VPS33B: variants seen among roughly 807,000 people sequenced by gnomAD.
VPS33B encodes vacuolar protein sorting-associated protein 33B.
VPS33B carries 80 observed loss-of-function variants against 95.3 expected under a neutral mutation model. That is an observed-to-expected ratio of 0.84 (90% CI 0.70 to 1.01). The LOEUF (loss-of-function observed/expected upper bound fraction) is 1.01, where lower values mean the gene tolerates loss of function less well. VPS33B is among the 50% of genes least tolerant of loss of function. The pLI is 0.00. For synonymous variants in VPS33B, 280 were observed against 280.4 expected (o/e 1.00, Z 0.01); for missense variants, 715 against 773.4 (o/e 0.92, Z 0.90).
rs563645276 is a variant in VPS33B, at chr15:91,002,904, G to C, written c.1272+181C>G. Among the ~76,000 whole-genome samples, 1 of 152,294 alleles carries C rather than the reference G, an allele frequency of 6.6e-6. No individual in the cohort carries two copies. The highest frequency in any genetic ancestry group is 6.5e-5 in the Admixed American group (1 of 15,296). ...GCCGTCAGTGTGTGGGGTGAAACAA[G>C]GGTAGAGGGCAGAGAGGCGTGCTGA... On this transcript the variant is annotated intron_variant, in intron 17 of 22. Coordinates refer to ENST00000333371, the MANE Select transcript of VPS33B (RefSeq NM_018668.5). The surrounding 1 kb of genome is among the most constrained non-coding windows in gnomAD (Gnocchi z 4.7).
rs367759142 is a variant in VPS33B, at chr15:91,016,944, G to A, written c.239+19C>T. 8 of 1,613,492 alleles carry A rather than the reference G, an allele frequency of 5.0e-6. No homozygotes were observed. Among genetic ancestry groups the A allele is most frequent in the Non-Finnish European group, 6.8e-6 (8 of 1,179,610 alleles). ...CCTCTTCCAGCTTGGAGTAGGGACAGACTCTCCCAGACACTCACTGTTCAT... is the reference window on the plus strand; with the variant it reads ...CCTCTTCCAGCTTGGAGTAGGGACAAACTCTCCCAGACACTCACTGTTCAT... On this transcript the variant is annotated intron_variant, in intron 3 of 22. Coordinates refer to ENST00000333371, the MANE Select transcript of VPS33B (RefSeq NM_018668.5).
intron 3 of VPS33B, among the ~76,000 whole-genome samples, chr15:91,016,225 G>A (rs1374582693): frequency 6.6e-6 from 1 of 152,162 alleles, no homozygotes; most frequent in East Asian, 1.9e-4. Context: ...TGAGAGGCAG[G>A]TGGAAGCACA....
intron 1 of VPS33B, among the ~76,000 whole-genome samples, chr15:91,019,277 CTGGCTAATTTTTGTATTTTTAGTAG>C (rs2041037890): frequency 6.6e-6 from 1 of 151,924 alleles, no homozygotes; most frequent in African/African-American, 2.4e-5. Flanking sequence ...GCCACCACAC[CTGGCTAATTTTTGTATTTTTAGTAG>C]ACATGGAATT....
rs748319254 is a variant in VPS33B at position 91,013,008 on chromosome 15, C to A, written c.357+796G>T. Among the ~76,000 whole-genome samples, 3 of 152,070 alleles carry A rather than the reference C, an allele frequency of 2.0e-5. No homozygotes were observed. The highest frequency in any genetic ancestry group is 2.9e-5 in the Non-Finnish European group (2 of 68,018). On this transcript the variant is annotated intron_variant, in intron 5 of 22. Transcript: ENST00000333371. The surrounding 1 kb of genome is among the most constrained non-coding windows in gnomAD (Gnocchi z 4.5). ...TCTAGTAACCCAGGGGCAGCCCAGCCACATCCTTATAAGCATAGCGGATGG... is the reference window on the plus strand; with the variant it reads ...TCTAGTAACCCAGGGGCAGCCCAGCAACATCCTTATAAGCATAGCGGATGG...
In VPS33B at chr15:91,000,400, TAAAA is replaced by T; in HGVS notation, c.1581+86_1581+89del. 1 of 1,029,584 alleles carries T rather than the reference TAAAA, an allele frequency of 9.7e-7. No homozygotes were observed. Among genetic ancestry groups the T allele is most frequent in the African/African-American group, 1.8e-5 (1 of 54,760 alleles). The allele number at this position is 1,029,584 out of a possible 1,614,324, so 63.8% of individuals were successfully genotyped here. A position where few individuals can be genotyped will look rare whatever the true frequency, so the allele number is the denominator to read the frequency against. On this transcript the variant is annotated intron_variant, in intron 20 of 22. Transcript: ENST00000333371. The surrounding 1 kb of genome is among the most constrained non-coding windows in gnomAD (Gnocchi z 4.9). ...TGACAGAGCAAGACTCCATCTCAAA[TAAAA>T]AAAAAAAAACATTGAGACACGCCAG...
intron 2 of VPS33B, 146 bp downstream of exon 2, chr15:91,017,659 C>A (rs754234472): frequency 1.3e-6 from 1 of 763,600 alleles, no homozygotes; most frequent in East Asian, 2.7e-5. Flanking sequence ...CAAAAAAATA[C>A]GAACAGCATC....
rs1403402953 is a variant in VPS33B at position 90,999,059 on chromosome 15, G to A, written c.1775-5C>T. The stretch of plus-strand genomic sequence containing the variant: ...TCAGGAAAATGAACCTGTAGCCTAA[G>A]GAGTCAAATGCAGCAGCAGAAGAGA... On this transcript the variant is annotated splice_region_variant and splice_polypyrimidine_tract_variant and intron_variant, in intron 22 of 22. Transcript: ENST00000333371. This position sits in a 1 kb window ranked among gnomAD's most constrained non-coding sequence, Gnocchi z 5.1. 2.5e-6 allele frequency: 4 copies of A among 1,613,904 alleles called. No homozygotes were observed. The highest frequency in any genetic ancestry group is 2.2e-5 in the East Asian group (1 of 44,888).
chr15:91,000,688 A>G lies in VPS33B; in HGVS notation c.1480-97T>C. 1 of 1,060,164 alleles carries G rather than the reference A, an allele frequency of 9.4e-7. No individual in the cohort carries two copies. The allele number at this position is 1,060,164 out of a possible 1,614,324, so 65.7% of individuals were successfully genotyped here. ...TGGCATGGCCCAAGGAACAATTCTT[A>G]TTTCAACTAAAGGGAGAACCAGCAA... On this transcript the variant is annotated intron_variant, in intron 19 of 22. Transcript: ENST00000333371. The surrounding 1 kb of genome is among the most constrained non-coding windows in gnomAD (Gnocchi z 4.9).
At position 91,002,024 on chromosome 15, in the gene VPS33B, A is replaced by C. The variant is rs766869841; in HGVS notation, c.1405+26T>G. 4.1e-5 allele frequency: 66 copies of C among 1,613,250 alleles called. No individual in the cohort carries two copies. In the East Asian group the frequency reaches 1.4e-3, roughly 33 times the overall value. ...GAGAAGTCAGGACAACAGCTGGAGCAGGGGTCACTTGTGCTCCCTGCTTAC... is the reference window on the plus strand; with the variant it reads ...GAGAAGTCAGGACAACAGCTGGAGCCGGGGTCACTTGTGCTCCCTGCTTAC... On this transcript the variant is annotated intron_variant, in intron 18 of 22. Coordinates refer to ENST00000333371, the MANE Select transcript of VPS33B (RefSeq NM_018668.5). This position sits in a 1 kb window ranked among gnomAD's most constrained non-coding sequence, Gnocchi z 4.7.
chr15:91,012,057 A>C (rs12148592), intron 5 of VPS33B, among the ~76,000 whole-genome samples: 2 of 151,106 alleles, frequency 1.3e-5, no homozygotes, highest in African/African-American at 4.9e-5. Flanking sequence ...CCTTGGAAGC[A>C]TAATTTGAAA....
Position 91,007,792 on chromosome 15 carries a change from T to C in VPS33B, c.498+78A>G, listed in dbSNP as rs2040658566. 1 of 1,369,980 alleles carries C rather than the reference T, an allele frequency of 7.3e-7. No individual in the cohort carries two copies. Among genetic ancestry groups the C allele is most frequent in the Non-Finnish European group, 1.0e-6 (1 of 959,140 alleles). The allele number at this position is 1,369,980 out of a possible 1,614,324, so 84.9% of individuals were successfully genotyped here. ...AATTACTTGCGTTGGACAAAGGTTA[T>C]ATTGGTATTTCTAGCCCTCTGCATC... On this transcript the variant is annotated intron_variant, in intron 7 of 22. Coordinates refer to ENST00000333371, the MANE Select transcript of VPS33B (RefSeq NM_018668.5). This position sits in a 1 kb window ranked among gnomAD's most constrained non-coding sequence, Gnocchi z 5.3.
Position 91,002,225 on chromosome 15 carries a change from GC to G in VPS33B, c.1273-44del. ...AGACTATTTACTGAGTGTCCAAAGA[GC>G]ATCTAGTACTGTCAGGTACTACAGA... On this transcript the variant is annotated intron_variant, in intron 17 of 22. Transcript: ENST00000333371. The surrounding 1 kb of genome is among the most constrained non-coding windows in gnomAD (Gnocchi z 4.7). 6.2e-7 allele frequency: 1 copy of G among 1,612,016 alleles called. No homozygotes were observed. Among genetic ancestry groups the G allele is most frequent in the Non-Finnish European group, 8.5e-7 (1 of 1,179,092 alleles).
rs56838761 is a variant in VPS33B at position 91,010,724 on chromosome 15, T to C, written c.358-878A>G. Among the ~76,000 whole-genome samples the C allele has an allele frequency of 0.1, 15,217 of 152,074 alleles. 1,319 individuals are homozygous for C. Among genetic ancestry groups the C allele is most frequent in the East Asian group, 0.44 (2,263 of 5,160 alleles). ...GAGTACAGGACCTGGCAGGGAAGAC[T>C]GAGAAAGAATACTCAGAGAAGCAGG... On this transcript the variant is annotated intron_variant, in intron 5 of 22. Coordinates refer to ENST00000333371, the MANE Select transcript of VPS33B (RefSeq NM_018668.5). This position sits in a 1 kb window ranked among gnomAD's most constrained non-coding sequence, Gnocchi z 5.7.
chr15:91,019,582 C>A (rs1459059065), intron 1 of VPS33B, among the ~76,000 whole-genome samples: 1 of 152,064 alleles, frequency 6.6e-6, no homozygotes, highest in Non-Finnish European at 1.5e-5. Context: ...TGGCCTTGAT[C>A]CTCTAATTAA....
chr15:91,014,971 C>A, intron 3 of VPS33B, among the ~76,000 whole-genome samples: 1 of 151,696 alleles, frequency 6.6e-6, no homozygotes, highest in African/African-American at 2.4e-5. Flanking sequence ...GAGGCAGAGG[C>A]GCGTGGATCA....
At chr15:91,020,967 C>T (rs1377911480) in intron 1 of VPS33B, among the ~76,000 whole-genome samples, 7 of 152,194 alleles carry the variant, frequency 4.6e-5, no homozygotes, top group Non-Finnish European at 4.4e-5. Flanking sequence ...TTCCAGTCCT[C>T]ACAATGCAGC....
Position 91,012,221 on chromosome 15 carries a change from G to A in VPS33B, c.357+1583C>T, listed in dbSNP as rs115813200. Among the ~76,000 whole-genome samples, 443 of 152,218 alleles carry A rather than the reference G, an allele frequency of 2.9e-3. 2 individuals are homozygous for A. The highest frequency in any genetic ancestry group is 0.01 in the African/African-American group (422 of 41,552). ...TAATACTTCACGTTTGTATTCCTAA[G>A]CATATTATCCTAAGATAAATATTTG... On this transcript the variant is annotated intron_variant, in intron 5 of 22. Transcript: ENST00000333371.
rs985891924 is a variant in VPS33B at position 90,999,480 on chromosome 15, G to A, written c.1774+197C>T. ...ATTACAGGCACCGGCCACCATGCCT[G>A]GCTAATTTTTGTATTTTTCGTAGAG... On this transcript the variant is annotated intron_variant, in intron 22 of 22. Coordinates refer to ENST00000333371, the MANE Select transcript of VPS33B (RefSeq NM_018668.5). This position sits in a 1 kb window ranked among gnomAD's most constrained non-coding sequence, Gnocchi z 5.1. 9.0e-6 allele frequency: 6 copies of A among 667,352 alleles called. No individual in the cohort carries two copies. The African/African-American group carries it at 1.1e-4, about 12-fold the overall frequency. 41.3% of individuals were successfully genotyped at this position (667,352 alleles called of 1,614,324 possible).
chr15:91,006,971 GT>G lies in VPS33B; in HGVS notation c.678del (p.His227IlefsTer12). The G allele has an allele frequency of 6.2e-7, 1 of 1,614,148 alleles. No homozygotes were observed. Among genetic ancestry groups the G allele is most frequent in the South Asian group, 1.1e-5 (1 of 91,088 alleles). ...GETKGRRPEI[G>X]HIFLLDRDVD... is the part of the protein sequence containing the mutation. Reference sequence around the variant, plus strand: ...TTACCTCTGTCCAAGAGAAAGATATGTCCAATCTCTGGCCTTCGGCCCTTGG... The same window carrying G: ...TTACCTCTGTCCAAGAGAAAGATATGCCAATCTCTGGCCTTCGGCCCTTGG... On this transcript the variant is annotated frameshift_variant, in exon 9 of 23. Transcript: ENST00000333371. LOFTEE classifies it high-confidence loss of function. The surrounding 1 kb of genome is among the most constrained non-coding windows in gnomAD (Gnocchi z 5.4).
Sources: allele counts gnomAD v4.1 joint callset (sites outside exome capture counted in the v4.1 genomes callset), GRCh38; gene constraint gnomAD v4.1.1; non-coding constraint Gnocchi (gnomAD v3.1); transcripts MANE v1.5; gene names NCBI Gene and HGNC (gene_info 2026-07-23, HGNC 2026-07-21).